YTHDC2: variants seen among roughly 807,000 people sequenced by gnomAD.
The protein encoded by YTHDC2 is YTH N6-methyladenosine RNA binding protein C2, also known as 3'-5' RNA helicase YTHDC2.
Under a neutral mutation model 174.9 loss-of-function variants are expected in YTHDC2, and 45 were observed. That is an observed-to-expected ratio of 0.26 (90% CI 0.20 to 0.33). The LOEUF is 0.33. Among genes scored for constraint, YTHDC2 ranks in the 10% least tolerant of loss-of-function variants. The pLI, the probability that YTHDC2 is intolerant of heterozygous loss-of-function variation, is 1.00. For missense variants in YTHDC2, 1,650 were observed against 1,723.7 expected (o/e 0.96, Z 0.76); for synonymous variants, 657 against 574.5 (o/e 1.14, Z -2.05).
chr5:113,563,458 C>G lies in YTHDC2; in HGVS notation c.2408C>G (p.Ala803Gly), dbSNP rs1777137855. 6.2e-7 allele frequency: 1 copy of G among 1,610,278 alleles called. No homozygotes were observed. The highest frequency in any genetic ancestry group is 1.3e-5 in the African/African-American group (1 of 74,994). The change falls in exon 19 of 30, where the codon GCT (alanine) becomes GGT (glycine). Residue 803 changes from alanine (A) to glycine (G), a missense_variant. Around this residue, in one of 5 missense-constraint regions of YTHDC2, gnomAD observed 913 missense variants for 940.4 expected, o/e 0.97. Coordinates refer to ENST00000161863, the MANE Select transcript of YTHDC2 (RefSeq NM_022828.5). ...ATGAAAGCTCCTGAACCTCCACCAG[C>G]TTTAATTGTAAGAAATGCTGTACAA... ...FLMKAPEPPPALIVRNAVQML... is the reference protein window; with the variant it reads ...FLMKAPEPPPGLIVRNAVQML...
Position 113,542,391 on chromosome 5 carries a change from T to G in YTHDC2, c.1383T>G (p.Leu461=). 6.2e-7 allele frequency: 1 copy of G among 1,610,904 alleles called. No homozygotes were observed. The highest frequency in any genetic ancestry group is 1.7e-4 in the Middle Eastern group (1 of 6,050). ...AGACTGAAAAAGATGTGAATTGCCT[T>G]GAACCATGGTTAATAAAGGAAATGG... is the stretch of plus-strand genomic sequence containing the variant. ...SQLTEKDVNC[L]EPWLIKEMDA... The change falls in exon 10 of 30, where the codon CTT becomes CTG. Residue 461 remains leucine (L), a synonymous_variant. Coordinates refer to ENST00000161863, the MANE Select transcript of YTHDC2 (RefSeq NM_022828.5).
chr5:113,536,454 G>A (rs1580516085), intron 7 of YTHDC2, among the ~76,000 whole-genome samples: 1 of 152,222 alleles, frequency 6.6e-6, no homozygotes, highest in East Asian at 1.9e-4. Context: ...GAACCCAGGA[G>A]GCGGAGCTTG....
chr5:113,551,974 C>T (rs932649319), intron 12 of YTHDC2, among the ~76,000 whole-genome samples: 1 of 151,994 alleles, frequency 6.6e-6, no homozygotes, highest in Non-Finnish European at 1.5e-5. Context: ...TATGTTGATT[C>T]TTGCTTTTGG....
chr5:113,580,322 G>C lies in YTHDC2; in HGVS notation c.3354+627G>C, dbSNP rs201341573. ...ATATATAAGAAAGTATTGAGTATTG[G>C]GTACACAAGAACTCCCTTTATTTTG... is the stretch of plus-strand genomic sequence containing the variant. On this transcript the variant is annotated intron_variant, in intron 24 of 29. Coordinates refer to ENST00000161863, the MANE Select transcript of YTHDC2 (RefSeq NM_022828.5). 4.6e-5 allele frequency among the ~76,000 whole-genome samples: 7 copies of C among 152,140 alleles called. No individual in the cohort carries two copies. The East Asian group carries it at 1.2e-3, about 25-fold the overall frequency.
chr5:113,532,861 T>C lies in YTHDC2; in HGVS notation c.676-18T>C, dbSNP rs780944037. On this transcript the variant is annotated intron_variant, in intron 4 of 29. Coordinates refer to ENST00000161863, the MANE Select transcript of YTHDC2 (RefSeq NM_022828.5). The stretch of plus-strand genomic sequence containing the variant: ...ATGTGATCATGTCATCTTACAGTTT[T>C]TAAAACTTTTGTTTCAGATTCCTCA... 1 of 1,595,110 alleles carries C rather than the reference T, an allele frequency of 6.3e-7. No individual in the cohort carries two copies. The highest frequency in any genetic ancestry group is 8.6e-7 in the Non-Finnish European group (1 of 1,168,974).
At chr5:113,553,125 G>A in intron 12 of YTHDC2, 56 bp from the exon 13 acceptor site, 1 of 1,420,376 alleles carries the variant, frequency 7.0e-7, no homozygotes, top group Non-Finnish European at 9.2e-7. Context: ...AAGGACATAA[G>A]GATTACTTTT....
At chr5:113,586,871 C>CTATA (rs1006364577) in intron 26 of YTHDC2, among the ~76,000 whole-genome samples, 3 of 130,544 alleles carry the variant, frequency 2.3e-5, no homozygotes, top group African/African-American at 5.8e-5. Context: ...CTCTCTCTCT[C>CTATA]TCTATATATA....
At chr5:113,580,166 C>T (rs1264098003) in intron 24 of YTHDC2, among the ~76,000 whole-genome samples, 2 of 152,168 alleles carry the variant, frequency 1.3e-5, no homozygotes, top group South Asian at 2.1e-4. Flanking sequence ...GAAGCCAGAG[C>T]CCTCATGACT....
chr5:113,587,836 T>C (rs1778778521), intron 26 of YTHDC2, among the ~76,000 whole-genome samples: 1 of 151,716 alleles, frequency 6.6e-6, no homozygotes, highest in South Asian at 2.1e-4. Flanking sequence ...ATTGAATCTA[T>C]AGATCAATTT....
At chr5:113,568,106 G>A (rs1186518359) in intron 23 of YTHDC2, among the ~76,000 whole-genome samples, 1 of 151,890 alleles carries the variant, frequency 6.6e-6, no homozygotes, top group Non-Finnish European at 1.5e-5. Context: ...TTTTCCACTT[G>A]AATTTAAATG....
chr5:113,561,465 C>CTATATATATA (rs1214522139), intron 18 of YTHDC2, among the ~76,000 whole-genome samples: 24 of 136,844 alleles, frequency 1.8e-4, no homozygotes, highest in African/African-American at 7.7e-4. Context: ...ATCTATCTAT[C>CTATATATATA]TATCTATATT....
chr5:113,567,250 G>C lies in YTHDC2; in HGVS notation c.3001G>C (p.Val1001Leu). 1 of 1,613,052 alleles carries C rather than the reference G, an allele frequency of 6.2e-7. No individual in the cohort carries two copies. The highest frequency in any genetic ancestry group is 8.5e-7 in the Non-Finnish European group (1 of 1,179,690). ...GTTGACAGGGCCAAAGGAGAAAAAA[G>C]TACGATTTCATCCTGCTTCAGTTCT... ...LVLTGPKEKKVRFHPASVLSQ... is the reference protein window; with the variant it reads ...LVLTGPKEKKLRFHPASVLSQ... Residue 1001 changes from valine (V) to leucine (L), a missense_variant, in exon 22 of 30, where the codon GTA (valine) becomes CTA (leucine). Around this residue, in one of 5 missense-constraint regions of YTHDC2, gnomAD observed 913 missense variants for 940.4 expected, o/e 0.97. Transcript: ENST00000161863.
chr5:113,568,956 A>G (rs1777537803), intron 23 of YTHDC2, among the ~76,000 whole-genome samples: 1 of 152,136 alleles, frequency 6.6e-6, no homozygotes, highest in African/African-American at 2.4e-5. Context: ...TGGTTGAATT[A>G]ATTTACACTA....
chr5:113,570,681 C>T (rs769432511), intron 23 of YTHDC2, among the ~76,000 whole-genome samples: 1 of 151,740 alleles, frequency 6.6e-6, no homozygotes, highest in Non-Finnish European at 1.5e-5. Flanking sequence ...GATGGAGTCT[C>T]ACTTTGCCGC....
chr5:113,567,543 G>C (rs533113461), intron 22 of YTHDC2, 111 bp from the exon 23 acceptor site: 2 of 952,756 alleles, frequency 2.1e-6, no homozygotes, highest in African/African-American at 3.4e-5. Flanking sequence ...TTTTGCTTAC[G>C]TACTAATATA....
chr5:113,546,959 G>A (rs1183162853), intron 10 of YTHDC2, among the ~76,000 whole-genome samples: 1 of 152,146 alleles, frequency 6.6e-6, no homozygotes, highest in Admixed American at 6.5e-5. Flanking sequence ...TTCTCTGAGA[G>A]TGATTCAAGA....
chr5:113,537,387 G>A (rs1168744479), intron 7 of YTHDC2, among the ~76,000 whole-genome samples: 2 of 134,144 alleles, frequency 1.5e-5, no homozygotes, highest in Non-Finnish European at 3.1e-5. Flanking sequence ...TTTGTGAAAT[G>A]CTCAGATGCT....
In YTHDC2 at chr5:113,553,252, A is replaced by C; in HGVS notation, c.1760A>C (p.Glu587Ala). ...VQTNGSDLSA[E>A]DRELLKAYHH... Reference sequence around the variant, plus strand: ...ACAAATGGAAGTGACCTCAGTGCTGAAGACAGAGAGCTCCTGAAAGCTTAT... The same window carrying C: ...ACAAATGGAAGTGACCTCAGTGCTGCAGACAGAGAGCTCCTGAAAGCTTAT... The change falls in exon 13 of 30, where the codon GAA (glutamate) becomes GCA (alanine). Residue 587 changes from glutamate (E) to alanine (A), a missense_variant. Physicochemically the swap from Glu to Ala is moderately radical, Grantham distance 107. Transcript: ENST00000161863. 1 of 1,608,178 alleles carries C rather than the reference A, an allele frequency of 6.2e-7. No individual in the cohort carries two copies. Among genetic ancestry groups the C allele is most frequent in the Non-Finnish European group, 8.5e-7 (1 of 1,177,370 alleles).
At chr5:113,531,268 G>C (rs1316178872) in intron 4 of YTHDC2, among the ~76,000 whole-genome samples, 1 of 152,174 alleles carries the variant, frequency 6.6e-6, no homozygotes, top group Non-Finnish European at 1.5e-5. Context: ...CACTGACACA[G>C]ATATTTTGCC....
Sources: allele counts gnomAD v4.1 joint callset (sites outside exome capture counted in the v4.1 genomes callset), GRCh38; gene constraint gnomAD v4.1.1; regional missense constraint gnomAD v4.1.1; transcripts MANE v1.5; gene names NCBI Gene and HGNC (gene_info 2026-07-23, HGNC 2026-07-21).